PBX3: variants seen among roughly 807,000 people sequenced by gnomAD.
The protein encoded by PBX3 is pre-B-cell leukemia transcription factor 3.
A neutral mutation model predicts 48.5 loss-of-function variants in PBX3; 14 were observed. The ratio of observed to expected loss-of-function variants is 0.29; its 90% CI spans 0.19 to 0.45. The LOEUF is 0.45. Ranked by LOEUF, PBX3 falls within the 20% of genes least tolerant of loss-of-function variation. PBX3 has a pLI of 1.00. For synonymous variants in PBX3, 210 were observed against 200.3 expected (o/e 1.05, Z -0.41); for missense variants, 386 against 546.7 (o/e 0.71, Z 2.93).
intron 2 of PBX3, among the ~76,000 whole-genome samples, chr9:125,869,240 A>G (rs548862513): frequency 1.3e-5 from 2 of 152,356 alleles, no homozygotes; most frequent in East Asian, 3.9e-4. Flanking sequence ...ACAGTACAAC[A>G]AAGAGATAGA....
chr9:125,897,769 T>C (rs1481318914), intron 2 of PBX3, among the ~76,000 whole-genome samples: 1 of 151,880 alleles, frequency 6.6e-6, no homozygotes, highest in African/African-American at 2.4e-5. Flanking sequence ...TGCTCTGTAT[T>C]AGACATGGCC....
chr9:125,940,311 A>G (rs1278608661), intron 5 of PBX3, among the ~76,000 whole-genome samples: 1 of 152,224 alleles, frequency 6.6e-6, no homozygotes. Flanking sequence ...TTTAATTATT[A>G]TGCATTACAA....
chr9:125,942,328 C>T (rs1348529083), intron 5 of PBX3, among the ~76,000 whole-genome samples: 1 of 152,164 alleles, frequency 6.6e-6, no homozygotes, highest in Non-Finnish European at 1.5e-5. Flanking sequence ...AGGCACGGAC[C>T]TTGGATAATA....
At chr9:125,763,203 G>A (rs992773402) in intron 2 of PBX3, among the ~76,000 whole-genome samples, 1 of 152,110 alleles carries the variant, frequency 6.6e-6, no homozygotes, top group Non-Finnish European at 1.5e-5. Context: ...AATGCCCTTT[G>A]TGGGGGAAAA....
At chr9:125,898,522 G>C (rs2132410356) in intron 2 of PBX3, among the ~76,000 whole-genome samples, 1 of 151,546 alleles carries the variant, frequency 6.6e-6, no homozygotes, top group Non-Finnish European at 1.5e-5. Flanking sequence ...TCTTATTATA[G>C]TTTGTGGTTA....
At chr9:125,905,705 G>A (rs1303564512) in intron 2 of PBX3, among the ~76,000 whole-genome samples, 1 of 151,942 alleles carries the variant, frequency 6.6e-6, no homozygotes, top group Non-Finnish European at 1.5e-5. Context: ...GGAAAATTGT[G>A]AATACACTTG....
At chr9:125,891,559 TTA>T (rs1661855799) in intron 2 of PBX3, among the ~76,000 whole-genome samples, 1 of 152,228 alleles carries the variant, frequency 6.6e-6, no homozygotes, top group Admixed American at 6.5e-5. Context: ...AATAAAATGT[TTA>T]TAGAGTTAAT....
In PBX3 at chr9:125,966,092, T is replaced by G. The variant is rs1424847135; in HGVS notation, c.*169T>G. The G allele has an allele frequency of 2.1e-5, 10 of 475,626 alleles. No homozygotes were observed. In the Middle Eastern group the frequency reaches 2.7e-3, roughly 128 times the overall value. The allele number at this position is 475,626 out of a possible 1,614,324, so 29.5% of individuals were successfully genotyped here. A position where few individuals can be genotyped will look rare whatever the true frequency, so the allele number is the denominator to read the frequency against. On this transcript the variant is annotated 3_prime_UTR_variant, in exon 9 of 9. Transcript: ENST00000373489. ...TTTTAAGGAATCATAATCATTTGTA[T>G]TTATACTTAAAAACACACAATGTTA...
At chr9:125,795,106 A>G (rs1227546817) in intron 2 of PBX3, among the ~76,000 whole-genome samples, 1 of 152,190 alleles carries the variant, frequency 6.6e-6, no homozygotes, top group Admixed American at 6.5e-5. Context: ...TTACATGTAC[A>G]GGCTCCATTA....
At chr9:125,891,117 G>C (rs961379416) in intron 2 of PBX3, among the ~76,000 whole-genome samples, 1 of 152,128 alleles carries the variant, frequency 6.6e-6, no homozygotes, top group African/African-American at 2.4e-5. Flanking sequence ...TAGATAACAT[G>C]TATTACTTTA....
chr9:125,966,034 C>G lies in PBX3; in HGVS notation c.*111C>G, dbSNP rs538371358. On this transcript the variant is annotated 3_prime_UTR_variant, in exon 9 of 9. Coordinates refer to ENST00000373489, the MANE Select transcript of PBX3 (RefSeq NM_006195.6). ...CACCATCTACAGCTTTACTGTAAAA[C>G]CTTGTCTTATTCGAGAACTTGGTAA... is the stretch of plus-strand genomic sequence containing the variant. The G allele has an allele frequency of 8.9e-6, 6 of 671,970 alleles. No homozygotes were observed. Among genetic ancestry groups the G allele is most frequent in the Non-Finnish European group, 1.0e-5 (4 of 384,108 alleles). The allele number at this position is 671,970 out of a possible 1,614,324, so 41.6% of individuals were successfully genotyped here.
rs201816904 is a variant in PBX3 at position 125,899,317 on chromosome 9, ATT to A, written c.275-16365_275-16364del. ...TATATAAATATACATATATGTATAT[ATT>A]TTTATATAAATATATACATATATGT... On this transcript the variant is annotated intron_variant, in intron 2 of 8. Transcript: ENST00000373489. Among the ~76,000 whole-genome samples, 298 of 109,044 alleles carry A rather than the reference ATT, an allele frequency of 2.7e-3. 6 individuals carry two copies. Among genetic ancestry groups the A allele is most frequent in the South Asian group, 0.018 (75 of 4,070 alleles). 71.5% of individuals were successfully genotyped at this position (109,044 alleles called of 152,430 possible).
intron 4 of PBX3, 100 bp downstream of exon 4, chr9:125,929,945 G>A (rs1325281847): frequency 2.3e-6 from 2 of 860,800 alleles, no homozygotes; most frequent in East Asian, 4.9e-5. Flanking sequence ...GATTCTTTTG[G>A]CCATATGAGT....
intron 2 of PBX3, among the ~76,000 whole-genome samples, chr9:125,790,258 CT>C (rs1215679857): frequency 0.038 from 5,626 of 149,392 alleles, 349 homozygotes; most frequent in African/African-American, 0.13. Flanking sequence ...TTCTTTCTTT[CT>C]TTTTTTTTTT....
At chr9:125,892,470 A>G (rs935629326) in intron 2 of PBX3, among the ~76,000 whole-genome samples, 17 of 152,216 alleles carry the variant, frequency 1.1e-4, no homozygotes, top group African/African-American at 4.1e-4. Flanking sequence ...CAAAAAAATC[A>G]TATTCTTACA....
chr9:125,877,899 C>T (rs1840294093), intron 2 of PBX3, among the ~76,000 whole-genome samples: 1 of 152,218 alleles, frequency 6.6e-6, no homozygotes, highest in Non-Finnish European at 1.5e-5. Flanking sequence ...CTTTTGCCTT[C>T]TTCCCAACCC....
chr9:125,819,507 A>G (rs1453524468), intron 2 of PBX3, among the ~76,000 whole-genome samples: 4 of 152,022 alleles, frequency 2.6e-5, no homozygotes, highest in African/African-American at 9.7e-5. Context: ...CCTGGGCAAC[A>G]AGAGTGAAAC....
chr9:125,858,135 G>A (rs1230112119), intron 2 of PBX3, among the ~76,000 whole-genome samples: 3 of 152,172 alleles, frequency 2.0e-5, no homozygotes, highest in Non-Finnish European at 2.9e-5. Flanking sequence ...AGGCCAAAGC[G>A]GGAGGATCAC....
intron 2 of PBX3, among the ~76,000 whole-genome samples, chr9:125,905,120 A>G (rs1048292301): frequency 6.6e-6 from 1 of 151,972 alleles, no homozygotes; most frequent in African/African-American, 2.4e-5. Context: ...ATTTCTTTTC[A>G]TAACTAAGCA....
Sources: gnomAD v4.1 joint callset for allele counts (sites outside exome capture counted in the v4.1 genomes callset) on GRCh38, gnomAD v4.1.1 for gene constraint, MANE v1.5 for transcripts, NCBI Gene and HGNC (gene_info 2026-07-23, HGNC 2026-07-21) for gene names.